SPON1: variants seen among roughly 807,000 people sequenced by gnomAD.
SPON1 encodes the protein spondin 1, also known as spondin-1.
SPON1 carries 52 observed loss-of-function variants against 111.7 expected under a neutral mutation model. That is an observed-to-expected ratio of 0.47 (90% CI 0.37 to 0.59). The LOEUF (loss-of-function observed/expected upper bound fraction) is 0.59. SPON1 is among the 20% of genes least tolerant of loss of function. The probability of loss-of-function intolerance (pLI) is 0.00; values close to 1 mark genes in which losing one functional copy is unlikely to be tolerated. For missense variants in SPON1, 957 were observed against 1,068.5 expected (o/e 0.90, Z 1.46); for synonymous variants, 410 against 395.8 (o/e 1.04, Z -0.43).
intron 5 of SPON1, among the ~76,000 whole-genome samples, chr11:14,121,776 C>T (rs781896272): frequency 9.2e-5 from 14 of 152,112 alleles, no homozygotes; most frequent in Admixed American, 2.0e-4. Context: ...ATTTCATATA[C>T]TGCAGATGTG....
chr11:14,178,686 T>C (rs1468572637), intron 6 of SPON1, among the ~76,000 whole-genome samples: 1 of 152,218 alleles, frequency 6.6e-6, no homozygotes, highest in African/African-American at 2.4e-5. Flanking sequence ...GTAAAGTAAT[T>C]CTTCACCATC....
chr11:14,128,599 C>T (rs1004663347), intron 5 of SPON1, among the ~76,000 whole-genome samples: 1 of 152,224 alleles, frequency 6.6e-6, no homozygotes, highest in Non-Finnish European at 1.5e-5. Flanking sequence ...GTCAGTGAAT[C>T]TACCATTCAG....
chr11:14,247,754 G>A (rs1359824263), intron 7 of SPON1, among the ~76,000 whole-genome samples: 6 of 152,240 alleles, frequency 3.9e-5, no homozygotes, highest in Non-Finnish European at 8.8e-5. Context: ...GGCTGAAAAC[G>A]TTAGATGAAG....
intron 5 of SPON1, among the ~76,000 whole-genome samples, chr11:14,099,966 G>A (rs1258558128): frequency 1.3e-5 from 2 of 152,064 alleles, no homozygotes; most frequent in African/African-American, 2.4e-5. Context: ...ATCACCAAGC[G>A]GAGGGAGCTA....
chr11:14,199,457 T>A (rs1197931206), intron 6 of SPON1, among the ~76,000 whole-genome samples: 1 of 151,010 alleles, frequency 6.6e-6, no homozygotes, highest in Admixed American at 6.6e-5. Flanking sequence ...TCCCTCTTAC[T>A]CCTCTATCTC....
At chr11:14,256,122 C>A (rs1849104415) in intron 9 of SPON1, among the ~76,000 whole-genome samples, 1 of 152,178 alleles carries the variant, frequency 6.6e-6, no homozygotes, top group Non-Finnish European at 1.5e-5. Context: ...TGGCAGGGAC[C>A]TGTAATTCCA....
At position 14,267,731 on chromosome 11, in the gene SPON1, T is replaced by A. The variant is rs1849287985; in HGVS notation, c.*2044T>A. The A allele has an allele frequency of 6.6e-6, 1 of 152,258 alleles. No homozygotes were observed. Among genetic ancestry groups the A allele is most frequent in the Non-Finnish European group, 1.5e-5 (1 of 68,042 alleles). The allele number at this position is 152,258 out of a possible 1,614,324, so 9.4% of individuals were successfully genotyped here. A position where few individuals can be genotyped will look rare whatever the true frequency, so the allele number is the denominator to read the frequency against. On this transcript the variant is annotated 3_prime_UTR_variant, in exon 16 of 16. Coordinates refer to ENST00000576479, the MANE Select transcript of SPON1 (RefSeq NM_006108.4). ...TATAAGAAGCATCAAGTCTCTTTCT[T>A]ACCAAAGTCTTGTTAGGTGGTTTAT... is the stretch of plus-strand genomic sequence containing the variant.
At chr11:14,016,316 A>G (rs551003379) in intron 2 of SPON1, among the ~76,000 whole-genome samples, 1 of 152,242 alleles carries the variant, frequency 6.6e-6, no homozygotes, top group Non-Finnish European at 1.5e-5. Flanking sequence ...TACAAAACCA[A>G]TTCTATGATC....
intron 6 of SPON1, among the ~76,000 whole-genome samples, chr11:14,168,131 A>G (rs1388268835): frequency 1.3e-5 from 2 of 152,290 alleles, no homozygotes; most frequent in Non-Finnish European, 2.9e-5. Context: ...GCTAGTAGGC[A>G]TGGCTCTCCA....
chr11:14,113,329 G>C (rs1367926544), intron 5 of SPON1, among the ~76,000 whole-genome samples: 1 of 152,206 alleles, frequency 6.6e-6, no homozygotes, highest in Admixed American at 6.5e-5. Flanking sequence ...TGGGCTGCAA[G>C]TTTCAGAAAC....
At chr11:14,252,897 T>C (rs1849067091) in intron 7 of SPON1, among the ~76,000 whole-genome samples, 4 of 152,188 alleles carry the variant, frequency 2.6e-5, no homozygotes, top group Admixed American at 2.0e-4. Context: ...TCAGCAAATA[T>C]AGGGTGGGGC....
Position 13,998,025 on chromosome 11 carries a change from A to G in SPON1, c.345+15072A>G, listed in dbSNP as rs989558315. Among the ~76,000 whole-genome samples the G allele has an allele frequency of 2.0e-5, 3 of 152,172 alleles. No homozygotes were observed. In the East Asian group the frequency reaches 5.8e-4, roughly 29 times the overall value. On this transcript the variant is annotated intron_variant, in intron 2 of 15. Transcript: ENST00000576479. ...AGAGCAGAGACATCTTTCTTTCACA[A>G]CAACACACACAGTGCTGGGTGCCAT...
chr11:14,236,511 A>G (rs1323105466), intron 6 of SPON1, among the ~76,000 whole-genome samples: 2 of 152,218 alleles, frequency 1.3e-5, no homozygotes, highest in East Asian at 3.8e-4. Context: ...ATGCAAGTCT[A>G]GAGTCAGAGG....
At chr11:14,184,056 A>G (rs771368079) in intron 6 of SPON1, among the ~76,000 whole-genome samples, 4 of 152,150 alleles carry the variant, frequency 2.6e-5, no homozygotes, top group Non-Finnish European at 4.4e-5. Flanking sequence ...GTATTATGTC[A>G]AACATCCAGC....
At chr11:14,045,336 G>A (rs1221099159) in intron 3 of SPON1, among the ~76,000 whole-genome samples, 3 of 152,126 alleles carry the variant, frequency 2.0e-5, no homozygotes, top group Non-Finnish European at 2.9e-5. Context: ...TTGGGAGGCC[G>A]AGCCGAGAGG....
intron 6 of SPON1, among the ~76,000 whole-genome samples, chr11:14,205,998 A>G (rs1469114731): frequency 6.6e-6 from 1 of 151,920 alleles, no homozygotes; most frequent in Non-Finnish European, 1.5e-5. Flanking sequence ...TTTGCAACTC[A>G]AAACTCACCC....
chr11:13,973,934 A>T (rs558208957), intron 1 of SPON1, among the ~76,000 whole-genome samples: 1 of 152,298 alleles, frequency 6.6e-6, no homozygotes, highest in African/African-American at 2.4e-5. Context: ...GAGAAACTTC[A>T]TCTCTGCCTG....
chr11:14,210,837 C>T (rs184447993), intron 6 of SPON1, among the ~76,000 whole-genome samples: 76 of 152,274 alleles, frequency 5.0e-4, no homozygotes, highest in African/African-American at 1.8e-3. Context: ...CCAGTTTTCC[C>T]AACACCATTT....
At chr11:14,179,570 A>G (rs368215552) in intron 6 of SPON1, among the ~76,000 whole-genome samples, 2 of 149,418 alleles carry the variant, frequency 1.3e-5, no homozygotes, top group East Asian at 1.9e-4. Context: ...TGGATGAGAC[A>G]TATCTGACTG....
Sources: gnomAD v4.1 joint callset for allele counts (sites outside exome capture counted in the v4.1 genomes callset) on GRCh38, gnomAD v4.1.1 for gene constraint, MANE v1.5 for transcripts, NCBI Gene and HGNC (gene_info 2026-07-23, HGNC 2026-07-21) for gene names.